IQGAP2: variants seen among roughly 807,000 people sequenced by gnomAD.
IQGAP2 encodes IQ motif containing GTPase activating protein 2.
A neutral mutation model predicts 201.3 loss-of-function variants in IQGAP2; 173 were observed. That is an observed-to-expected ratio of 0.86 (90% CI 0.76 to 0.98). The LOEUF is 0.98. IQGAP2 is among the 50% of genes least tolerant of loss of function. The pLI is 0.00. For missense variants in IQGAP2, 1,687 were observed against 1,864.8 expected, an observed-to-expected ratio of 0.90 and a Z score of 1.76; for synonymous variants, 675 against 673.9, an observed-to-expected ratio of 1.00 and a Z score of -0.03.
intron 2 of IQGAP2, among the ~76,000 whole-genome samples, chr5:76,490,557 A>G (rs923618993): frequency 6.6e-6 from 1 of 152,208 alleles, no homozygotes; most frequent in Non-Finnish European, 1.5e-5. Context: ...TGTGGAGAGA[A>G]TGAAAGATTC....
intron 5 of IQGAP2, 132 bp from the exon 6 acceptor site, chr5:76,588,774 C>T (rs1746420582): frequency 6.9e-6 from 3 of 431,768 alleles, no homozygotes; most frequent in South Asian, 3.4e-5. Flanking sequence ...TCAGTTTCCT[C>T]ATTTACAAAA....
At chr5:76,424,017 G>A (rs896766726) in intron 1 of IQGAP2, among the ~76,000 whole-genome samples, 4 of 152,166 alleles carry the variant, frequency 2.6e-5, no homozygotes, top group Admixed American at 2.6e-4. Context: ...AGGCAGGATG[G>A]CAGGGATATA....
chr5:76,552,284 C>T (rs1286854044), intron 2 of IQGAP2, among the ~76,000 whole-genome samples: 3 of 152,144 alleles, frequency 2.0e-5, no homozygotes. Context: ...GTTGAGATGG[C>T]CAATTAGATC....
intron 2 of IQGAP2, among the ~76,000 whole-genome samples, chr5:76,505,811 T>G (rs10064273): frequency 0.23 from 35,200 of 152,062 alleles, 5,349 homozygotes; most frequent in African/African-American, 0.43. Flanking sequence ...AACTTTTACT[T>G]AGCACCCATT....
intron 1 of IQGAP2, among the ~76,000 whole-genome samples, chr5:76,433,871 A>T (rs1752512598): frequency 6.6e-6 from 1 of 152,218 alleles, no homozygotes; most frequent in African/African-American, 2.4e-5. Flanking sequence ...AGTCATCTTT[A>T]CATTGAGAAG....
chr5:76,586,038 T>C lies in IQGAP2; in HGVS notation c.459-2868T>C, dbSNP rs898078376. On this transcript the variant is annotated intron_variant, in intron 5 of 35. Coordinates refer to ENST00000274364, the MANE Select transcript of IQGAP2 (RefSeq NM_006633.5). ...TTGAGAATTGGTTCATAAAATATTA[T>C]GGTTTTGAAAATGTCAGCATGGTAT... 2.3e-4 allele frequency among the ~76,000 whole-genome samples: 35 copies of C among 152,354 alleles called. 1 individual carries two copies. The highest frequency in any genetic ancestry group is 1.9e-3 in the Admixed American group (29 of 15,306).
intron 30 of IQGAP2, among the ~76,000 whole-genome samples, chr5:76,689,418 A>G (rs1746080383): frequency 1.3e-5 from 2 of 152,066 alleles, no homozygotes; most frequent in African/African-American, 2.4e-5. Flanking sequence ...GGCTATGATG[A>G]TCACATGAAA....
intron 9 of IQGAP2, among the ~76,000 whole-genome samples, chr5:76,596,100 T>A (rs1215468652): frequency 1.3e-5 from 2 of 152,208 alleles, no homozygotes; most frequent in African/African-American, 4.8e-5. Flanking sequence ...ATCATAAGTA[T>A]TTCCTGTTAT....
At chr5:76,576,013 A>C in intron 5 of IQGAP2, among the ~76,000 whole-genome samples, 1 of 152,202 alleles carries the variant, frequency 6.6e-6, no homozygotes, top group Admixed American at 6.5e-5. Context: ...AATGATTGAA[A>C]ACCATTAAGT....
rs1164380157 is a variant in IQGAP2 at position 76,618,251 on chromosome 5, A to G, written c.1521+7068A>G. On this transcript the variant is annotated intron_variant, in intron 13 of 35. Transcript: ENST00000274364. ...ATACCCAGTTGTTCCCATTGAGATGATAAGCTATCTTAAAGGGCAATGTAA... is the reference window on the plus strand; with the variant it reads ...ATACCCAGTTGTTCCCATTGAGATGGTAAGCTATCTTAAAGGGCAATGTAA... 2.5e-6 allele frequency: 4 copies of G among 1,614,086 alleles called. No individual in the cohort carries two copies. In the Admixed American group the frequency reaches 6.7e-5, roughly 27 times the overall value.
intron 2 of IQGAP2, among the ~76,000 whole-genome samples, chr5:76,492,161 G>T (rs1003758235): frequency 6.6e-6 from 1 of 152,204 alleles, no homozygotes; most frequent in Non-Finnish European, 1.5e-5. Flanking sequence ...GATGCATTTG[G>T]CCCCAGTAGT....
intron 2 of IQGAP2, among the ~76,000 whole-genome samples, chr5:76,464,421 A>T (rs1754662280): frequency 6.6e-6 from 1 of 152,196 alleles, no homozygotes; most frequent in South Asian, 2.1e-4. Flanking sequence ...ACATGAATGG[A>T]GTTGACTTAG....
chr5:76,678,964 T>A (rs1476472841), intron 28 of IQGAP2, among the ~76,000 whole-genome samples: 1 of 152,220 alleles, frequency 6.6e-6, no homozygotes, highest in Non-Finnish European at 1.5e-5. Context: ...ATGAATAGGC[T>A]ATCCTTCTTT....
At chr5:76,405,784 G>C (rs1360325997) in intron 1 of IQGAP2, among the ~76,000 whole-genome samples, 3 of 152,160 alleles carry the variant, frequency 2.0e-5, no homozygotes. Flanking sequence ...GAAGGCTAGG[G>C]AAGGATAACA....
At chr5:76,467,826 C>T (rs1204828950) in intron 2 of IQGAP2, among the ~76,000 whole-genome samples, 1 of 152,088 alleles carries the variant, frequency 6.6e-6, no homozygotes, top group African/African-American at 2.4e-5. Flanking sequence ...CATACTACAA[C>T]ATGGATGAAC....
chr5:76,507,076 A>G (rs955136684), intron 2 of IQGAP2, among the ~76,000 whole-genome samples: 2 of 152,218 alleles, frequency 1.3e-5, no homozygotes, highest in Non-Finnish European at 2.9e-5. Context: ...GAAGGAGAAG[A>G]ACAAAGTTGG....
Position 76,606,304 on chromosome 5 carries a change from G to A in IQGAP2, c.1357+1G>A, listed in dbSNP as rs567170085. ...GCTCAAATTCAAGAAGAAAATGACC[G>A]TAAGTATAAGACACTTTCCTTCTCT... On this transcript the variant is annotated splice_donor_variant, in intron 12 of 35. Transcript: ENST00000274364. LOFTEE classifies it high-confidence loss of function. 91 of 1,593,512 alleles carry A rather than the reference G, an allele frequency of 5.7e-5. No homozygotes were observed. Among genetic ancestry groups the A allele is most frequent in the Non-Finnish European group, 6.8e-5 (79 of 1,170,180 alleles).
intron 1 of IQGAP2, among the ~76,000 whole-genome samples, chr5:76,413,963 C>T (rs1041412096): frequency 1.3e-5 from 2 of 152,272 alleles, no homozygotes; most frequent in African/African-American, 4.8e-5. Flanking sequence ...GTTCACCTAA[C>T]GTCCCTCAGG....
At chr5:76,640,791 C>A in intron 16 of IQGAP2, 142 bp from the exon 17 acceptor site, 1 of 584,254 alleles carries the variant, frequency 1.7e-6, no homozygotes, top group Non-Finnish European at 2.9e-6. Flanking sequence ...TTTCATCCCT[C>A]AGCTCTGCTT....
Sources: allele counts gnomAD v4.1 joint callset (sites outside exome capture counted in the v4.1 genomes callset), GRCh38; gene constraint gnomAD v4.1.1; transcripts MANE v1.5; gene names NCBI Gene and HGNC (gene_info 2026-07-23, HGNC 2026-07-21).